The following DNAJC13 variants were observed in gnomAD, a reference collection of about 807,000 sequenced individuals.
DNAJC13 encodes the protein DnaJ heat shock protein family (Hsp40) member C13.
DNAJC13 carries 75 observed loss-of-function variants against 290.5 expected under a neutral mutation model. The observed-to-expected ratio is 0.26, with a 90% CI of 0.21 to 0.31. The LOEUF (loss-of-function observed/expected upper bound fraction) is 0.31. Ranked by LOEUF, DNAJC13 falls within the 10% of genes least tolerant of loss-of-function variation. The pLI is 1.00. For synonymous variants in DNAJC13, 862 were observed against 892.0 expected, an observed-to-expected ratio of 0.97 and a Z score of 0.60; for missense variants, 2,260 against 2,674.5, an observed-to-expected ratio of 0.85 and a Z score of 3.42.
Position 132,464,774 on chromosome 3 carries a change from A to G in DNAJC13, c.1892+957A>G, listed in dbSNP as rs372343679. ...TTAGAGACTATTGATAGCTTATTCC[A>G]TTAACCCCTCCCCATGTTAAATGCT... On this transcript the variant is annotated intron_variant, in intron 17 of 55. Coordinates refer to ENST00000260818, the MANE Select transcript of DNAJC13 (RefSeq NM_015268.4). Among the ~76,000 whole-genome samples the G allele has an allele frequency of 2.6e-5, 4 of 152,272 alleles. No individual in the cohort carries two copies. The East Asian group carries it at 7.7e-4, about 29-fold the overall frequency.
intron 48 of DNAJC13, among the ~76,000 whole-genome samples, chr3:132,517,862 A>G (rs539202050): frequency 1.5e-4 from 23 of 152,352 alleles, no homozygotes; most frequent in Non-Finnish European, 2.5e-4. Flanking sequence ...GGTATTGAGA[A>G]TCTGTCATAG....
At chr3:132,436,792 T>G (rs1190737298) in intron 2 of DNAJC13, among the ~76,000 whole-genome samples, 1 of 152,222 alleles carries the variant, frequency 6.6e-6, no homozygotes, top group East Asian at 1.9e-4. Flanking sequence ...TATCTTTTCT[T>G]GTGTTTGTAG....
chr3:132,529,803 AG>A (rs1936363052), intron 54 of DNAJC13, among the ~76,000 whole-genome samples: 1 of 150,812 alleles, frequency 6.6e-6, no homozygotes, highest in Non-Finnish European at 1.5e-5. Context: ...AAAAAAAAAA[AG>A]AGATATTAAA....
intron 15 of DNAJC13, among the ~76,000 whole-genome samples, 172 bp from the exon 16 acceptor site, chr3:132,462,295 A>G (rs570484953): frequency 1.4e-4 from 22 of 152,202 alleles, no homozygotes; most frequent in Non-Finnish European, 3.1e-4. Context: ...CTAAGGCTAT[A>G]TTGTAAAAAT....
chr3:132,511,324 A>T, intron 44 of DNAJC13, 80 bp downstream of exon 44: 1 of 1,482,634 alleles, frequency 6.7e-7, no homozygotes. Context: ...TTTATCAGGG[A>T]AACTCAGGGA....
At chr3:132,459,446 T>C (rs9858475) in intron 13 of DNAJC13, among the ~76,000 whole-genome samples, 15,697 of 152,192 alleles carry the variant, frequency 0.1, 912 homozygotes, top group African/African-American at 0.17. Context: ...AATTATTGTT[T>C]AATGATTACA....
chr3:132,499,318 G>T lies in DNAJC13; in HGVS notation c.4341+8G>T. 2 of 1,572,980 alleles carry T rather than the reference G, an allele frequency of 1.3e-6. No individual in the cohort carries two copies. Among genetic ancestry groups the T allele is most frequent in the South Asian group, 1.2e-5 (1 of 86,250 alleles). ...AGAGAGAATGGACTAGAGGTAATAC[G>T]GAGTGACCTTTGTGCTTTTTAAGCC... On this transcript the variant is annotated splice_region_variant and intron_variant, in intron 37 of 55. Transcript: ENST00000260818.
chr3:132,523,617 T>C lies in DNAJC13; in HGVS notation c.5964T>C (p.Phe1988=). 1 of 1,614,134 alleles carries C rather than the reference T, an allele frequency of 6.2e-7. No individual in the cohort carries two copies. The highest frequency in any genetic ancestry group is 1.1e-5 in the South Asian group (1 of 91,082). Residue 1988 remains phenylalanine (F), a synonymous_variant, in exon 51 of 56, where the codon TTT becomes TTC. Transcript: ENST00000260818. ...TTGGAGGAGTCTTCTTGAGGATCTTTATTGCACAACCAGCCTGGGTTCTAA... is the reference window on the plus strand; with the variant it reads ...TTGGAGGAGTCTTCTTGAGGATCTTCATTGCACAACCAGCCTGGGTTCTAA... ...LAVGGVFLRI[F]IAQPAWVLRK...
rs1297453435 is a variant in DNAJC13 at position 132,516,306 on chromosome 3, G to C, written c.5486-116G>C. The C allele has an allele frequency of 1.4e-5, 13 of 916,592 alleles. No homozygotes were observed. The Admixed American group carries it at 2.8e-4, about 20-fold the overall frequency. 56.8% of individuals were successfully genotyped at this position (916,592 alleles called of 1,614,324 possible). ...TACCTGTCTCACTGGTTATTATGAG[G>C]ATTAAATATGACATCCTGTGTAGAA... On this transcript the variant is annotated intron_variant, in intron 46 of 55. Coordinates refer to ENST00000260818, the MANE Select transcript of DNAJC13 (RefSeq NM_015268.4).
At chr3:132,493,532 G>A (rs541171685) in intron 33 of DNAJC13, among the ~76,000 whole-genome samples, 1 of 151,890 alleles carries the variant, frequency 6.6e-6, no homozygotes, top group Non-Finnish European at 1.5e-5. Flanking sequence ...TTTATTTATT[G>A]ATCAAATTTT....
rs189040579 is a variant in DNAJC13, at chr3:132,443,632, A to G, written c.69-2843A>G. The stretch of plus-strand genomic sequence containing the variant: ...TTTGGAAGTTCAAGCTTGCTTAAAA[A>G]GATGTCTTAAATGACATAGAAATAT... On this transcript the variant is annotated intron_variant, in intron 2 of 55. Transcript: ENST00000260818. Among the ~76,000 whole-genome samples the G allele has an allele frequency of 9.2e-5, 14 of 152,356 alleles. No homozygotes were observed. In the South Asian group the frequency reaches 2.5e-3, roughly 27 times the overall value.
intron 2 of DNAJC13, among the ~76,000 whole-genome samples, chr3:132,443,093 C>T (rs1229028003): frequency 6.6e-6 from 1 of 152,138 alleles, no homozygotes; most frequent in African/African-American, 2.4e-5. Context: ...CTTGTGCCTC[C>T]CTGAATCCGT....
intron 22 of DNAJC13, among the ~76,000 whole-genome samples, 177 bp downstream of exon 22, chr3:132,475,262 T>A (rs1934432754): frequency 1.3e-5 from 2 of 152,072 alleles, no homozygotes; most frequent in South Asian, 2.1e-4. Context: ...AATAAAAAAA[T>A]TTTGTTTAGT....
At chr3:132,484,424 A>T in intron 28 of DNAJC13, 164 bp from the exon 29 acceptor site, 1 of 646,828 alleles carries the variant, frequency 1.5e-6, no homozygotes, top group South Asian at 1.7e-5. Flanking sequence ...AGCCAAATAG[A>T]TTTAAACCAA....
At chr3:132,464,249 A>T (rs1024803014) in intron 17 of DNAJC13, among the ~76,000 whole-genome samples, 1 of 152,184 alleles carries the variant, frequency 6.6e-6, no homozygotes, top group East Asian at 1.9e-4. Flanking sequence ...AAAACCTTAC[A>T]TATCCAGCCT....
chr3:132,430,273 A>G (rs1326906735), intron 1 of DNAJC13, among the ~76,000 whole-genome samples: 1 of 152,038 alleles, frequency 6.6e-6, no homozygotes, highest in Non-Finnish European at 1.5e-5. Flanking sequence ...ACCCCAAATC[A>G]GTGGTACCTA....
chr3:132,427,209 C>T (rs1042442763), intron 1 of DNAJC13, among the ~76,000 whole-genome samples: 1 of 150,626 alleles, frequency 6.6e-6, no homozygotes, highest in Non-Finnish European at 1.5e-5. Flanking sequence ...AGGGCTCGCT[C>T]ACTGCAGCCT....
intron 29 of DNAJC13, among the ~76,000 whole-genome samples, chr3:132,486,257 T>C (rs1934873589): frequency 6.6e-6 from 1 of 152,054 alleles, no homozygotes; most frequent in Non-Finnish European, 1.5e-5. Context: ...TGTGGGGCCA[T>C]GTGGCTGCAT....
At chr3:132,460,385 G>T (rs1379184506) in intron 14 of DNAJC13, 28 bp downstream of exon 14, 7 of 1,467,212 alleles carry the variant, frequency 4.8e-6, no homozygotes, top group Non-Finnish European at 6.7e-6. Context: ...TTGTCTTCAT[G>T]GTAGATACCA....
Sources: gnomAD v4.1 joint callset for allele counts (sites outside exome capture counted in the v4.1 genomes callset) on GRCh38, gnomAD v4.1.1 for gene constraint, MANE v1.5 for transcripts, NCBI Gene and HGNC (gene_info 2026-07-23, HGNC 2026-07-21) for gene names.